Variants in CLPTM1L observed in about 807,000 individuals in gnomAD.
CLPTM1L encodes the protein lipid scramblase CLPTM1L.
In CLPTM1L, 38 loss-of-function variants were observed where a neutral mutation model predicts 70.9. The ratio of observed to expected loss-of-function variants is 0.54; its 90% CI spans 0.41 to 0.70. The LOEUF (loss-of-function observed/expected upper bound fraction) is 0.70, where lower values mean the gene tolerates loss of function less well. Among genes scored for constraint, CLPTM1L ranks in the 30% least tolerant of loss-of-function variants. The pLI is 0.00. For missense variants in CLPTM1L, 652 were observed against 705.9 expected (o/e 0.92, Z 0.87); for synonymous variants, 339 against 299.9 (o/e 1.13, Z -1.35).
At chr5:1,339,931 A>G (rs1753835350) in intron 3 of CLPTM1L, among the ~76,000 whole-genome samples, 1 of 150,296 alleles carries the variant, frequency 6.7e-6, no homozygotes, top group African/African-American at 2.5e-5. Context: ...ACAGATGGCC[A>G]CGCACATGGA....
At position 1,317,980 on chromosome 5, in the gene CLPTM1L, A is replaced by G. The variant is rs1751928633; in HGVS notation, c.*389T>C. 5.0e-6 allele frequency: 1 copy of G among 200,138 alleles called. No individual in the cohort carries two copies. The highest frequency in any genetic ancestry group is 2.3e-5 in the African/African-American group (1 of 43,320). 12.4% of individuals were successfully genotyped at this position (200,138 alleles called of 1,614,324 possible). A position where few individuals can be genotyped will look rare whatever the true frequency, so the allele number is the denominator to read the frequency against. ...TGATCCCAGAGTCCATGCGGAATGAATTCCATACGTGTTTGAAATTCACAT... is the reference window on the plus strand; with the variant it reads ...TGATCCCAGAGTCCATGCGGAATGAGTTCCATACGTGTTTGAAATTCACAT... On this transcript the variant is annotated 3_prime_UTR_variant, in exon 17 of 17. Coordinates refer to ENST00000320895, the MANE Select transcript of CLPTM1L (RefSeq NM_030782.5).
chr5:1,339,874 C>T (rs12516433), intron 3 of CLPTM1L, among the ~76,000 whole-genome samples: 2,352 of 123,030 alleles, frequency 0.019, 30 homozygotes, highest in Middle Eastern at 0.036. Flanking sequence ...GCCACACAGA[C>T]GGGCAAACTG....
Position 1,325,719 on chromosome 5 carries a change from C to T in CLPTM1L, c.1146+32G>A, listed in dbSNP as rs755043681. 7.5e-6 allele frequency: 12 copies of T among 1,590,954 alleles called. 1 individual carries two copies. In the Admixed American group the frequency reaches 2.0e-4, roughly 27 times the overall value. ...GGCAAAATCACACTCTTCAGAGAGG[C>T]TTGGGGTTCAGCCATTACAACTAAA... On this transcript the variant is annotated intron_variant, in intron 10 of 16. Transcript: ENST00000320895.
chr5:1,320,330 C>T lies in CLPTM1L; in HGVS notation c.1532+286G>A, dbSNP rs867956292. 12 of 335,696 alleles carry T rather than the reference C, an allele frequency of 3.6e-5. No homozygotes were observed. In the South Asian group the frequency reaches 5.6e-4, roughly 16 times the overall value. The allele number at this position is 335,696 out of a possible 1,614,324, so 20.8% of individuals were successfully genotyped here. On this transcript the variant is annotated intron_variant, in intron 16 of 16. Transcript: ENST00000320895. ...AATGACTGTGAATAGGTAAATAAAT[C>T]GCTTAAGGAGAGACATTTGCTTTCA...
intron 9 of CLPTM1L, among the ~76,000 whole-genome samples, chr5:1,329,479 C>G (rs1172361359): frequency 6.9e-6 from 1 of 145,046 alleles, no homozygotes; most frequent in Non-Finnish European, 1.5e-5. Flanking sequence ...GGCCTCAGGA[C>G]TCTCTGCTTG....
intron 7 of CLPTM1L, among the ~76,000 whole-genome samples, chr5:1,333,230 GGGGGACTACTGT>G: frequency 1.7e-5 from 1 of 59,404 alleles, no homozygotes; most frequent in Non-Finnish European, 3.0e-5. Flanking sequence ...ACCGGATAAG[GGGGGACTACTGT>G]ATACACACCA....
At chr5:1,335,261 T>G in intron 5 of CLPTM1L, 87 bp from the exon 6 acceptor site, 1 of 1,045,846 alleles carries the variant, frequency 9.6e-7, no homozygotes, top group Non-Finnish European at 1.5e-6. Flanking sequence ...GCCATCCCCC[T>G]TCCCATCCCT....
At chr5:1,324,379 G>A (rs190797606) in intron 11 of CLPTM1L, among the ~76,000 whole-genome samples, 1 of 152,378 alleles carries the variant, frequency 6.6e-6, no homozygotes, top group East Asian at 1.9e-4. Context: ...GCCCTGTGCT[G>A]CTGGGGCCAT....
chr5:1,323,783 C>T lies in CLPTM1L; in HGVS notation c.1280+4G>A. ...CAGCAGGGGAAGCGTGTGCGGCCTC[C>T]TACCTCTTATATTTGATATTCAGGA... is the stretch of plus-strand genomic sequence containing the variant. On this transcript the variant is annotated splice_donor_region_variant and intron_variant, in intron 12 of 16. Transcript: ENST00000320895. The T allele has an allele frequency of 6.2e-7, 1 of 1,610,918 alleles. No individual in the cohort carries two copies. The highest frequency in any genetic ancestry group is 1.3e-5 in the African/African-American group (1 of 74,974).
At chr5:1,322,583 C>T (rs554430123) in intron 13 of CLPTM1L, among the ~76,000 whole-genome samples, 32 of 152,340 alleles carry the variant, frequency 2.1e-4, no homozygotes, top group South Asian at 6.2e-4. Context: ...ATATACCAGG[C>T]GGCTGCACCA....
At position 1,337,964 on chromosome 5, in the gene CLPTM1L, G is replaced by A. The variant is rs201283849; in HGVS notation, c.618C>T (p.Thr206=). Reference sequence around the variant, plus strand: ...TGAACAGGATGGGCAGGTAATGCACGGTTTTCCCCAGCTGGATCCTGGGAT... The same window carrying A: ...TGAACAGGATGGGCAGGTAATGCACAGTTTTCCCCAGCTGGATCCTGGGAT... ...RYMKMIQLGK[T]VHYLPILFID... is the part of the protein sequence containing the mutation. Residue 206 remains threonine (T), a synonymous_variant, in exon 5 of 17, where the codon ACC becomes ACT. Transcript: ENST00000320895. The A allele has an allele frequency of 1.7e-5, 27 of 1,607,066 alleles. No individual in the cohort carries two copies. Among genetic ancestry groups the A allele is most frequent in the South Asian group, 3.4e-5 (3 of 88,820 alleles).
At chr5:1,327,910 C>G (rs1752738734) in intron 9 of CLPTM1L, among the ~76,000 whole-genome samples, 1 of 94,768 alleles carries the variant, frequency 1.1e-5, no homozygotes, top group Non-Finnish European at 2.2e-5. Context: ...TCCAGCTCCT[C>G]CTCTACAGAC....
chr5:1,319,238 G>A (rs115249601), intron 16 of CLPTM1L, among the ~76,000 whole-genome samples: 2,641 of 152,130 alleles, frequency 0.017, 39 homozygotes, highest in Non-Finnish European at 0.024. Context: ...TCTGAGAATG[G>A]TGAACGGGGG....
Position 1,338,860 on chromosome 5 carries a change from A to G in CLPTM1L, c.599T>C (p.Met200Thr), listed in dbSNP as rs760654874. ...GCTCCAGCTCTGGGGCCCCACTTAC[A>G]TCTTCATGTACCGATGCACATCGGC... ...LPADVHRYMKMIQLGKTVHYL... is the reference protein window; with the variant it reads ...LPADVHRYMKTIQLGKTVHYL... Residue 200 changes from methionine (M) to threonine (T), a missense_variant and splice_region_variant, in exon 4 of 17, where the codon ATG becomes ACG. By Grantham distance (81) the Met-to-Thr change is moderately conservative. This residue lies in a region of CLPTM1L where 402 missense variants were observed against 388.2 expected (regional missense o/e 1.04). Transcript: ENST00000320895. The G allele has an allele frequency of 6.2e-7, 1 of 1,613,204 alleles. No individual in the cohort carries two copies. Among genetic ancestry groups the G allele is most frequent in the Admixed American group, 1.7e-5 (1 of 60,030 alleles).
intron 15 of CLPTM1L, among the ~76,000 whole-genome samples, chr5:1,321,310 TC>T (rs1752138426): frequency 6.6e-6 from 1 of 152,216 alleles, no homozygotes; most frequent in Admixed American, 6.5e-5. Flanking sequence ...GAGGCCTGAA[TC>T]CGTTGTCCCC....
At chr5:1,341,417 C>G (rs913886968) in intron 3 of CLPTM1L, among the ~76,000 whole-genome samples, 3 of 152,194 alleles carry the variant, frequency 2.0e-5, no homozygotes, top group African/African-American at 7.2e-5. Context: ...GGGCCCATTC[C>G]CCGAGGGACT....
rs768219512 is a variant in CLPTM1L at position 1,335,147 on chromosome 5, G to A, written c.706C>T (p.Pro236Ser). The A allele has an allele frequency of 2.5e-5, 41 of 1,613,564 alleles. No homozygotes were observed. Reference sequence around the variant, plus strand: ...ACCTTGTCGTAGGACACGGTGAGGGGCAGCTCGGTGGTGGAGCGGTTTATG... The same window carrying A: ...ACCTTGTCGTAGGACACGGTGAGGGACAGCTCGGTGGTGGAGCGGTTTATG... The part of the protein sequence containing the change: ...MVINRSTTEL[P>S]LTVSYDKVSL... Residue 236 changes from proline (P) to serine (S), a missense_variant, in exon 6 of 17, where the codon CCC (proline) becomes TCC (serine). Around this residue, in one of 3 missense-constraint regions of CLPTM1L, gnomAD observed 402 missense variants for 388.2 expected, o/e 1.04. Coordinates refer to ENST00000320895, the MANE Select transcript of CLPTM1L (RefSeq NM_030782.5).
intron 7 of CLPTM1L, among the ~76,000 whole-genome samples, chr5:1,333,884 A>T (rs563541389): frequency 6.6e-6 from 1 of 152,068 alleles, no homozygotes; most frequent in Admixed American, 6.5e-5. Flanking sequence ...CAAGAGAACT[A>T]CTTTCTGCTA....
In CLPTM1L at chr5:1,329,085, C is replaced by T. The variant is rs558347024; in HGVS notation, c.1080+1195G>A. Reference sequence around the variant, plus strand: ...CACCAACTGCAGAGACCTCAGACTCCGGCTCCTGCCGGTGTGGCACAGAGC... The same window carrying T: ...CACCAACTGCAGAGACCTCAGACTCTGGCTCCTGCCGGTGTGGCACAGAGC... On this transcript the variant is annotated intron_variant, in intron 9 of 16. Coordinates refer to ENST00000320895, the MANE Select transcript of CLPTM1L (RefSeq NM_030782.5). 7.2e-5 allele frequency among the ~76,000 whole-genome samples: 11 copies of T among 152,392 alleles called. No individual in the cohort carries two copies. In the South Asian group the frequency reaches 1.0e-3, roughly 14 times the overall value.
Sources: allele counts gnomAD v4.1 joint callset (sites outside exome capture counted in the v4.1 genomes callset), GRCh38; gene constraint gnomAD v4.1.1; regional missense constraint gnomAD v4.1.1; transcripts MANE v1.5; gene names NCBI Gene and HGNC (gene_info 2026-07-23, HGNC 2026-07-21).